The following PHF24 variants were observed in gnomAD, a reference collection of about 807,000 sequenced individuals.
The protein encoded by PHF24 is PHD finger protein 24.
In PHF24, 25 loss-of-function variants were observed where a neutral mutation model predicts 42.6. That is an observed-to-expected ratio of 0.59 (90% confidence interval 0.43 to 0.82). PHF24 has a LOEUF of 0.82. Ranked by LOEUF, PHF24 falls within the 40% of genes least tolerant of loss-of-function variation. The probability of loss-of-function intolerance (pLI) is 0.00; values close to 1 mark genes in which losing one functional copy is unlikely to be tolerated. For synonymous variants in PHF24, 185 were observed against 204.8 expected (o/e 0.90, Z 0.83); for missense variants, 470 against 538.1 (o/e 0.87, Z 1.25).
At chr9:34,905,170 C>G in the PHF24 span, among the ~76,000 whole-genome samples, 1 of 152,180 alleles carries the variant, frequency 6.6e-6, no homozygotes, top group Non-Finnish European at 1.5e-5. Context: ...GCCTATAAAG[C>G]TGAAAGCTGG....
chr9:34,905,772 T>C, the PHF24 span, among the ~76,000 whole-genome samples: 3 of 152,222 alleles, frequency 2.0e-5, no homozygotes, highest in Non-Finnish European at 4.4e-5. Context: ...AACAGAAGGA[T>C]TCCTGAAATA....
At chr9:34,729,022 G>A in the PHF24 span, among the ~76,000 whole-genome samples, 1 of 152,302 alleles carries the variant, frequency 6.6e-6, no homozygotes, top group Non-Finnish European at 1.5e-5. Flanking sequence ...TATTCAGAGA[G>A]CTTCCGAGAT....
the PHF24 span, among the ~76,000 whole-genome samples, chr9:34,913,631 A>C: frequency 6.6e-6 from 1 of 152,234 alleles, no homozygotes; most frequent in Non-Finnish European, 1.5e-5. Context: ...GGCCTAAAGC[A>C]GGGTTCAGCA....
chr9:34,673,598 G>A, the PHF24 span, among the ~76,000 whole-genome samples: 1 of 151,394 alleles, frequency 6.6e-6, no homozygotes, highest in Non-Finnish European at 1.5e-5. Context: ...AGCCTCCTGA[G>A]TAGGTGGGTG....
chr9:34,749,159 CA>C, the PHF24 span, among the ~76,000 whole-genome samples: 3 of 151,622 alleles, frequency 2.0e-5, no homozygotes, highest in African/African-American at 4.8e-5. Flanking sequence ...AATACATAAC[CA>C]GGGGAGACAA....
upstream of PHF24, among the ~76,000 whole-genome samples, chr9:34,955,638 C>G (rs1462845105): frequency 6.6e-6 from 1 of 152,200 alleles, no homozygotes; most frequent in African/African-American, 2.4e-5. Flanking sequence ...GATCAAGCCA[C>G]TGCACTCCAG....
At chr9:34,753,940 A>G in the PHF24 span, among the ~76,000 whole-genome samples, 6 of 152,188 alleles carry the variant, frequency 3.9e-5, no homozygotes, top group Admixed American at 1.3e-4. Flanking sequence ...CCATATGCAG[A>G]AGAATGAAAC....
the PHF24 span, chr9:34,838,477 A>G: frequency 3.0e-6 from 4 of 1,334,200 alleles, no homozygotes; most frequent in Non-Finnish European, 4.2e-6. Flanking sequence ...CCACAGAACA[A>G]AAGTAGGGCT....
At chr9:34,879,100 T>A in the PHF24 span, among the ~76,000 whole-genome samples, 3 of 152,208 alleles carry the variant, frequency 2.0e-5, no homozygotes, top group Non-Finnish European at 4.4e-5. Flanking sequence ...AAACAGGGTC[T>A]GGAGTGGACC....
At chr9:34,708,705 G>A in the PHF24 span, among the ~76,000 whole-genome samples, 1 of 152,216 alleles carries the variant, frequency 6.6e-6, no homozygotes, top group African/African-American at 2.4e-5. Context: ...AGATCCGAAG[G>A]TCACCCCTGG....
At chr9:34,960,262 C>A (rs1826543304) in intron 1 of PHF24, among the ~76,000 whole-genome samples, 1 of 152,208 alleles carries the variant, frequency 6.6e-6, no homozygotes, top group Non-Finnish European at 1.5e-5. Context: ...TCCACACAGT[C>A]AAACCTAGTT....
the PHF24 span, among the ~76,000 whole-genome samples, chr9:34,939,321 T>C: frequency 4.6e-5 from 7 of 152,176 alleles, no homozygotes; most frequent in African/African-American, 1.4e-4. Context: ...TTTATACCTA[T>C]GTGTCTTAGT....
At chr9:34,767,502 C>T in the PHF24 span, among the ~76,000 whole-genome samples, 7 of 152,264 alleles carry the variant, frequency 4.6e-5, no homozygotes, top group East Asian at 9.6e-4. Context: ...GTAGGACCCT[C>T]CAAGCCAGGT....
chr9:34,667,379 G>C, the PHF24 span, among the ~76,000 whole-genome samples: 1 of 152,064 alleles, frequency 6.6e-6, no homozygotes, highest in African/African-American at 2.4e-5. Context: ...AGCAGACAGA[G>C]AGATCCATGG....
chr9:34,807,437 TA>T, the PHF24 span, among the ~76,000 whole-genome samples: 1 of 152,234 alleles, frequency 6.6e-6, no homozygotes, highest in South Asian at 2.1e-4. Context: ...GATTATGGCC[TA>T]AAAAAAGATT....
the PHF24 span, among the ~76,000 whole-genome samples, chr9:34,686,600 A>G: frequency 1.3e-5 from 2 of 152,336 alleles, no homozygotes; most frequent in African/African-American, 4.8e-5. Flanking sequence ...TTCATCCCCC[A>G]AAGGCTAAGA....
At chr9:34,936,082 C>T in the PHF24 span, among the ~76,000 whole-genome samples, 6 of 151,876 alleles carry the variant, frequency 4.0e-5, no homozygotes, top group Non-Finnish European at 1.5e-5. Flanking sequence ...CACGGTCTCC[C>T]TCTCCCTCTC....
At chr9:34,848,285 A>T in the PHF24 span, among the ~76,000 whole-genome samples, 2 of 151,648 alleles carry the variant, frequency 1.3e-5, no homozygotes, top group Non-Finnish European at 2.9e-5. Context: ...AGAGCCTGTT[A>T]TTGGTCTATT....
the PHF24 span, among the ~76,000 whole-genome samples, chr9:34,701,361 T>C: frequency 7.9e-5 from 12 of 152,212 alleles, no homozygotes; most frequent in African/African-American, 2.9e-4. This position sits in a 1 kb window ranked among gnomAD's most constrained non-coding sequence, Gnocchi z 5.8. Context: ...CCGAACTGTG[T>C]CTGTGGGGCT....
Sources: gnomAD v4.1 joint callset for allele counts (sites outside exome capture counted in the v4.1 genomes callset) on GRCh38, gnomAD v4.1.1 for gene constraint, Gnocchi (gnomAD v3.1) non-coding constraint, MANE v1.5 for transcripts, NCBI Gene and HGNC (gene_info 2026-07-23, HGNC 2026-07-21) for gene names.